Variants in CSMD1 observed in about 807,000 individuals in gnomAD.
The protein encoded by CSMD1 is CUB and sushi domain-containing protein 1.
In CSMD1, 213 loss-of-function variants were observed where a neutral mutation model predicts 417.5. The ratio of observed to expected loss-of-function variants is 0.51; its 90% CI spans 0.46 to 0.57. CSMD1 has a LOEUF of 0.57. CSMD1 is among the 20% of genes least tolerant of loss of function. CSMD1 has a pLI of 0.00. For missense variants in CSMD1, 6,923 were observed against 4,529.7 expected, an observed-to-expected ratio of 1.53 and a Z score of -15.17; for synonymous variants, 2,862 against 1,736.8, an observed-to-expected ratio of 1.65 and a Z score of -16.11.
At chr8:4,828,887 C>A (rs1799976572) in intron 1 of CSMD1, among the ~76,000 whole-genome samples, 1 of 152,146 alleles carries the variant, frequency 6.6e-6, no homozygotes, top group African/African-American at 2.4e-5. Flanking sequence ...ATGCGTTCCA[C>A]ATCCTCGTCC....
chr8:3,934,422 G>A (rs140710976), intron 5 of CSMD1, among the ~76,000 whole-genome samples: 4 of 152,260 alleles, frequency 2.6e-5, no homozygotes, highest in Non-Finnish European at 4.4e-5. Context: ...AACACCGGTA[G>A]TAATTGTTAA....
At chr8:4,108,307 G>A (rs1206173949) in intron 3 of CSMD1, among the ~76,000 whole-genome samples, 5 of 152,138 alleles carry the variant, frequency 3.3e-5, no homozygotes, top group South Asian at 2.1e-4. Context: ...AAACTCATAT[G>A]ACAATTGTAA....
chr8:4,207,461 A>G (rs925200256), intron 3 of CSMD1, among the ~76,000 whole-genome samples: 5 of 152,200 alleles, frequency 3.3e-5, no homozygotes, highest in Non-Finnish European at 7.4e-5. Flanking sequence ...AACCATATCT[A>G]AAATTTTAAA....
At chr8:3,585,327 G>A (rs912817447) in intron 9 of CSMD1, among the ~76,000 whole-genome samples, 5 of 152,110 alleles carry the variant, frequency 3.3e-5, no homozygotes, top group Non-Finnish European at 7.4e-5. Context: ...AGACTATATG[G>A]AAAGATAAGG....
intron 25 of CSMD1, among the ~76,000 whole-genome samples, chr8:3,303,471 G>A (rs1188932862): frequency 6.6e-6 from 1 of 152,160 alleles, no homozygotes; most frequent in Non-Finnish European, 1.5e-5. Context: ...TGACAACCTT[G>A]ATACCTTTTT....
At chr8:4,245,753 G>T (rs952993681) in intron 3 of CSMD1, among the ~76,000 whole-genome samples, 1 of 151,992 alleles carries the variant, frequency 6.6e-6, no homozygotes, top group Non-Finnish European at 1.5e-5. Context: ...AAGTCAGGCC[G>T]TATCACCCAA....
At chr8:4,289,194 A>G (rs1299650224) in intron 3 of CSMD1, among the ~76,000 whole-genome samples, 1 of 151,932 alleles carries the variant, frequency 6.6e-6, no homozygotes, top group Non-Finnish European at 1.5e-5. Context: ...TCGGACAAAT[A>G]CTCTTTACCA....
chr8:3,460,962 G>A (rs965183885), intron 12 of CSMD1, among the ~76,000 whole-genome samples: 21 of 152,194 alleles, frequency 1.4e-4, no homozygotes, highest in African/African-American at 4.6e-4. Context: ...GTGGAGGGCA[G>A]TAACAATAAG....
chr8:3,306,999 A>ACTTTCTTGGTCTACCT (rs1285433114), intron 25 of CSMD1, among the ~76,000 whole-genome samples: 1 of 150,386 alleles, frequency 6.6e-6, no homozygotes, highest in African/African-American at 2.4e-5. Flanking sequence ...ACTTTAGAGT[A>ACTTTCTTGGTCTACCT]CTTTCTTGGT....
rs368074723 is a variant in CSMD1, at chr8:4,405,533, G to C, written c.415+14420C>G. Among the ~76,000 whole-genome samples the C allele has an allele frequency of 4.6e-5, 7 of 152,060 alleles. No individual in the cohort carries two copies. In the South Asian group the frequency reaches 8.3e-4, roughly 18 times the overall value. On this transcript the variant is annotated intron_variant, in intron 3 of 69. Transcript: ENST00000635120. ...CACAGCGGCTTAACAAAAAATTATA[G>C]TAAGTGCCATGAAACCATCACCATG...
At chr8:4,958,034 G>T (rs151063631) in intron 1 of CSMD1, among the ~76,000 whole-genome samples, 1 of 152,170 alleles carries the variant, frequency 6.6e-6, no homozygotes, top group African/African-American at 2.4e-5. Flanking sequence ...TGAGGAGAAA[G>T]CATCTTTAGC....
At position 4,887,284 on chromosome 8, in the gene CSMD1, G is replaced by T. The variant is rs1236303392; in HGVS notation, c.85+107048C>A. On this transcript the variant is annotated intron_variant, in intron 1 of 69. Coordinates refer to ENST00000635120, the MANE Select transcript of CSMD1 (RefSeq NM_033225.6). ...TTTCCATACATGTAGACTTTTCCTA[G>T]TTTCTACTAGAGGCTTTTAACTCAA... 2.0e-5 allele frequency among the ~76,000 whole-genome samples: 3 copies of T among 151,948 alleles called. No individual in the cohort carries two copies. The East Asian group carries it at 5.8e-4, about 29-fold the overall frequency.
At chr8:3,141,140 G>C (rs148805953) in intron 41 of CSMD1, among the ~76,000 whole-genome samples, 8 of 152,202 alleles carry the variant, frequency 5.3e-5, no homozygotes, top group East Asian at 1.9e-4. Context: ...AGACTCCCCA[G>C]TTGAGCACAC....
chr8:4,166,383 C>T (rs1010236673), intron 3 of CSMD1, among the ~76,000 whole-genome samples: 3 of 152,044 alleles, frequency 2.0e-5, no homozygotes, highest in Non-Finnish European at 4.4e-5. Context: ...TGCTAAAGTT[C>T]CCACAATTAA....
At position 3,157,106 on chromosome 8, in the gene CSMD1, T is replaced by A. The variant is rs138126471; in HGVS notation, c.5914+791A>T. Among the ~76,000 whole-genome samples the A allele has an allele frequency of 1.5e-4, 22 of 150,414 alleles. No individual in the cohort carries two copies. The East Asian group carries it at 4.1e-3, about 28-fold the overall frequency. On this transcript the variant is annotated intron_variant, in intron 39 of 69. Coordinates refer to ENST00000635120, the MANE Select transcript of CSMD1 (RefSeq NM_033225.6). ...CACTTTGTGGGTTGCGGGTAAGGAG[T>A]GTCAAGTAACTGACCATGATCCTAC...
intron 1 of CSMD1, among the ~76,000 whole-genome samples, chr8:4,918,011 A>G (rs144320146): frequency 8.1e-4 from 124 of 152,378 alleles, no homozygotes; most frequent in African/African-American, 2.9e-3. Flanking sequence ...CTGAAATGAC[A>G]GAAAAATCAC....
intron 3 of CSMD1, among the ~76,000 whole-genome samples, chr8:4,418,060 T>C (rs558320235): frequency 2.0e-5 from 3 of 152,114 alleles, no homozygotes; most frequent in East Asian, 1.9e-4. Flanking sequence ...AACTGATAAA[T>C]AGATTTAAAC....
chr8:3,476,958 T>G (rs1020757855), intron 11 of CSMD1, among the ~76,000 whole-genome samples: 4 of 150,870 alleles, frequency 2.7e-5, no homozygotes, highest in East Asian at 2.0e-4. Context: ...AGTTCAGGGT[T>G]TAAGTTGGGG....
chr8:3,097,303 A>C (rs1815381413), intron 46 of CSMD1, among the ~76,000 whole-genome samples: 1 of 152,184 alleles, frequency 6.6e-6, no homozygotes, highest in South Asian at 2.1e-4. Flanking sequence ...AATTTGGGGC[A>C]GATGCATCCT....
Sources: allele counts gnomAD v4.1 joint callset (sites outside exome capture counted in the v4.1 genomes callset), GRCh38; gene constraint gnomAD v4.1.1; transcripts MANE v1.5; gene names NCBI Gene and HGNC (gene_info 2026-07-23, HGNC 2026-07-21).